The following SLC39A11 variants were observed in gnomAD, a reference collection of about 807,000 sequenced individuals.
The protein encoded by SLC39A11 is solute carrier family 39 member 11.
A neutral mutation model predicts 36.1 loss-of-function variants in SLC39A11; 33 were observed. That is an observed-to-expected ratio of 0.91 (90% confidence interval 0.69 to 1.22). The LOEUF is 1.22. SLC39A11 is among the 50% of genes most tolerant of loss of function. The pLI, the probability that SLC39A11 is intolerant of heterozygous loss-of-function variation, is 0.00. For missense variants in SLC39A11, 432 were observed against 430.3 expected, an observed-to-expected ratio of 1.00 and a Z score of -0.03; for synonymous variants, 166 against 170.3, an observed-to-expected ratio of 0.97 and a Z score of 0.20.
intron 6 of SLC39A11, among the ~76,000 whole-genome samples, chr17:72,845,385 T>C (rs2079003755): frequency 2.0e-5 from 3 of 152,180 alleles, no homozygotes; most frequent in Non-Finnish European, 2.9e-5. Context: ...GGGCCAGACA[T>C]GCTCCTGCCT....
chr17:72,726,521 C>A (rs1365796878), intron 7 of SLC39A11, among the ~76,000 whole-genome samples: 1 of 152,192 alleles, frequency 6.6e-6, no homozygotes, highest in Middle Eastern at 3.4e-3. Context: ...CACACACACA[C>A]AAACACACAC....
At chr17:72,985,704 C>T (rs2088693531) in intron 4 of SLC39A11, among the ~76,000 whole-genome samples, 1 of 152,188 alleles carries the variant, frequency 6.6e-6, no homozygotes, top group East Asian at 1.9e-4. Context: ...TGAGCCACCG[C>T]ATCTGGCCAG....
intron 6 of SLC39A11, among the ~76,000 whole-genome samples, chr17:72,785,843 C>G (rs926229893): frequency 6.6e-6 from 1 of 152,192 alleles, no homozygotes; most frequent in Non-Finnish European, 1.5e-5. Flanking sequence ...TCTTGTCACT[C>G]AGAGATGCTA....
chr17:72,939,594 T>A (rs1418592684), intron 5 of SLC39A11, among the ~76,000 whole-genome samples: 3 of 152,148 alleles, frequency 2.0e-5, no homozygotes, highest in Non-Finnish European at 4.4e-5. Context: ...ATACGGAGTT[T>A]TGGACATAGA....
intron 6 of SLC39A11, among the ~76,000 whole-genome samples, chr17:72,743,919 C>T (rs1214482982): frequency 6.6e-6 from 1 of 152,278 alleles, no homozygotes; most frequent in Non-Finnish European, 1.5e-5. Context: ...TTAGTAAGTC[C>T]GACTGAACGC....
At chr17:72,868,618 C>CAAAAAAAAAAAAAAAAAAAAAAAA in intron 5 of SLC39A11, among the ~76,000 whole-genome samples, 1 of 56,462 alleles carries the variant, frequency 1.8e-5, no homozygotes, top group Non-Finnish European at 3.1e-5. Context: ...CCTGTCTCTA[C>CAAAAAAAAAAAAAAAAAAAAAAAA]AAAAAAAAAA....
At chr17:72,936,251 G>C (rs938471978) in intron 5 of SLC39A11, among the ~76,000 whole-genome samples, 2 of 151,790 alleles carry the variant, frequency 1.3e-5, no homozygotes, top group South Asian at 2.1e-4. Context: ...GTCACAATTT[G>C]TATTTCACAG....
Position 72,676,500 on chromosome 17 carries a change from A to C in SLC39A11, c.672-27232T>G, listed in dbSNP as rs554484191. 7.2e-5 allele frequency among the ~76,000 whole-genome samples: 11 copies of C among 152,236 alleles called. 1 individual carries two copies. In the South Asian group the frequency reaches 2.1e-3, roughly 29 times the overall value. ...GCTGGTACACACTAGATGCTCAATA[A>C]ATGCTACTGCTAGACTTCTTATCGT... On this transcript the variant is annotated intron_variant, in intron 7 of 9. Coordinates refer to ENST00000255559, the MANE Select transcript of SLC39A11 (RefSeq NM_139177.4).
At chr17:72,824,080 G>A (rs2077913334) in intron 6 of SLC39A11, among the ~76,000 whole-genome samples, 2 of 151,274 alleles carry the variant, frequency 1.3e-5, no homozygotes, top group African/African-American at 4.8e-5. Context: ...CAGTGATATG[G>A]TTTGGATTTG....
chr17:72,859,381 G>A (rs2079829396), intron 5 of SLC39A11, among the ~76,000 whole-genome samples: 1 of 152,162 alleles, frequency 6.6e-6, no homozygotes, highest in Non-Finnish European at 1.5e-5. Context: ...ATCTACTTAT[G>A]CAACAAGGTG....
intron 5 of SLC39A11, among the ~76,000 whole-genome samples, chr17:72,922,875 C>T (rs543638657): frequency 5.1e-5 from 7 of 138,556 alleles, no homozygotes; most frequent in Non-Finnish European, 9.1e-5. Context: ...GGCTGAGGCA[C>T]GAGAATTCCT....
In SLC39A11 at chr17:72,773,680, C is replaced by CACACACACACACACACAT. The variant is rs879349280; in HGVS notation, c.602-36962_602-36961insATGTGTGTGTGTGTGTGT. On this transcript the variant is annotated intron_variant, in intron 6 of 9. Transcript: ENST00000255559. Reference sequence around the variant, plus strand: ...ACACACACACACACACACACACACCCAGTATATAAAGGATATCAGTGTCAT... The same window carrying CACACACACACACACACAT: ...ACACACACACACACACACACACACCCACACACACACACACACATAGTATATAAAGGATATCAGTGTCAT... 4.2e-4 allele frequency among the ~76,000 whole-genome samples: 63 copies of CACACACACACACACACAT among 150,150 alleles called. 2 individuals are homozygous for CACACACACACACACACAT. Among genetic ancestry groups the CACACACACACACACACAT allele is most frequent in the African/African-American group, 1.5e-3 (62 of 40,646 alleles).
chr17:73,087,067 A>C (rs964367159), intron 2 of SLC39A11, among the ~76,000 whole-genome samples: 51 of 152,064 alleles, frequency 3.4e-4, no homozygotes, highest in Non-Finnish European at 3.4e-4. Flanking sequence ...AGAAAAAAAA[A>C]ACAAACAAAA....
intron 4 of SLC39A11, among the ~76,000 whole-genome samples, chr17:72,961,983 G>T (rs554196259): frequency 5.3e-5 from 8 of 152,224 alleles, no homozygotes; most frequent in Middle Eastern, 3.4e-3. Context: ...TTTCTTTAAC[G>T]GGGCTTTATA....
At chr17:72,684,145 G>A (rs779501837) in intron 7 of SLC39A11, among the ~76,000 whole-genome samples, 16 of 152,128 alleles carry the variant, frequency 1.1e-4, no homozygotes, top group Non-Finnish European at 2.1e-4. Flanking sequence ...AGCAGTTTAC[G>A]ATGATTATCC....
chr17:72,697,744 C>G (rs2072376690), intron 7 of SLC39A11, among the ~76,000 whole-genome samples: 1 of 149,290 alleles, frequency 6.7e-6, no homozygotes, highest in Non-Finnish European at 1.5e-5. Context: ...AACCCCCCAC[C>G]CCCGCCCCGA....
chr17:72,982,853 T>C (rs2088431012), intron 4 of SLC39A11, among the ~76,000 whole-genome samples: 1 of 152,188 alleles, frequency 6.6e-6, no homozygotes, highest in South Asian at 2.1e-4. Flanking sequence ...ATAGTTGGAT[T>C]AATGAACAAC....
chr17:72,650,470 C>T (rs549085845), intron 7 of SLC39A11, among the ~76,000 whole-genome samples: 50 of 152,282 alleles, frequency 3.3e-4, no homozygotes, highest in African/African-American at 1.2e-3. Context: ...CAAAAGTCAA[C>T]TTGCACAGGA....
intron 5 of SLC39A11, among the ~76,000 whole-genome samples, chr17:72,857,549 G>T (rs1188976298): frequency 1.3e-5 from 2 of 152,126 alleles, no homozygotes; most frequent in Non-Finnish European, 2.9e-5. Flanking sequence ...GCACTTTGAG[G>T]AACTGCCACA....
Sources: allele counts gnomAD v4.1 joint callset (sites outside exome capture counted in the v4.1 genomes callset), GRCh38; gene constraint gnomAD v4.1.1; transcripts MANE v1.5; gene names NCBI Gene and HGNC (gene_info 2026-07-23, HGNC 2026-07-21).